COL6A6: variants seen among roughly 807,000 people sequenced by gnomAD.
The protein encoded by COL6A6 is collagen type VI alpha 6 chain, also known as collagen alpha-6(VI) chain.
COL6A6 carries 183 observed loss-of-function variants against 208.6 expected under a neutral mutation model. The ratio of observed to expected loss-of-function variants is 0.88; its 90% CI spans 0.78 to 0.99. COL6A6 has a LOEUF of 0.99. COL6A6 is among the 50% of genes least tolerant of loss of function. The probability of loss-of-function intolerance (pLI) is 0.00; values close to 1 mark genes in which losing one functional copy is unlikely to be tolerated. For missense variants in COL6A6, 2,816 were observed against 2,815.2 expected (o/e 1.00, Z -0.01); for synonymous variants, 973 against 1,011.8 (o/e 0.96, Z 0.73).
At chr3:130,565,772 G>A (rs1343982411) in intron 4 of COL6A6, among the ~76,000 whole-genome samples, 158 bp downstream of exon 4, 1 of 152,142 alleles carries the variant, frequency 6.6e-6, no homozygotes, top group Non-Finnish European at 1.5e-5. Flanking sequence ...CTAATTTGGG[G>A]ACAATAAAAG....
At position 130,581,584 on chromosome 3, in the gene COL6A6, G is replaced by C; in HGVS notation, c.3571G>C (p.Gly1191Arg). ...ESNCFVDVVV[G>R]FDVSTQEKGQ... ...AGACTGTTTCGTGGATGTTGTGGTG[G>C]GATTTGATGTCTCAACTCAGGAGAA... The change falls in exon 9 of 37, where the codon GGA becomes CGA. Residue 1191 changes from glycine to arginine, a missense_variant. Gly to Arg is a moderately radical substitution (Grantham distance 125). Coordinates refer to ENST00000358511, the MANE Select transcript of COL6A6 (RefSeq NM_001102608.3). The C allele has an allele frequency of 1.2e-6, 2 of 1,609,372 alleles. No homozygotes were observed.
intron 18 of COL6A6, among the ~76,000 whole-genome samples, chr3:130,596,825 A>T (rs1008411200): frequency 9.2e-5 from 14 of 152,212 alleles, no homozygotes; most frequent in East Asian, 3.8e-4. Flanking sequence ...TAAAATTTTT[A>T]AAAAAAGAAA....
At position 130,585,533 on chromosome 3, in the gene COL6A6, T is replaced by G. The variant is rs558201780; in HGVS notation, c.3971-973T>G. Among the ~76,000 whole-genome samples, 3 of 152,336 alleles carry G rather than the reference T, an allele frequency of 2.0e-5. 1 individual carries two copies. In the South Asian group the frequency reaches 6.2e-4, roughly 32 times the overall value. On this transcript the variant is annotated intron_variant, in intron 10 of 36. Coordinates refer to ENST00000358511, the MANE Select transcript of COL6A6 (RefSeq NM_001102608.3). ...GAATTACTTCCTCCACCATAATGAC[T>G]GTCAGATTTATTACCATCATTATTT...
At chr3:130,571,926 G>GC (rs1428795881) in intron 7 of COL6A6, among the ~76,000 whole-genome samples, 16 of 138,378 alleles carry the variant, frequency 1.2e-4, no homozygotes, top group Non-Finnish European at 1.5e-4. Flanking sequence ...CAAGCCATCT[G>GC]CCCCCCTTGG....
chr3:130,641,283 A>G (rs1576380170), intron 28 of COL6A6, among the ~76,000 whole-genome samples: 1 of 152,202 alleles, frequency 6.6e-6, no homozygotes. Context: ...ATGGGATACT[A>G]TGCAGCTGTG....
Position 130,661,940 on chromosome 3 carries a change from A to G in COL6A6, c.6134A>G (p.Lys2045Arg). The G allele has an allele frequency of 1.2e-6, 2 of 1,614,000 alleles. No homozygotes were observed. Among genetic ancestry groups the G allele is most frequent in the Non-Finnish European group, 1.7e-6 (2 of 1,179,866 alleles). Residue 2045 changes from lysine (K) to arginine (R), a missense_variant, in exon 35 of 37, where the codon AAG becomes AGG. Physicochemically the swap from Lys to Arg is conservative, Grantham distance 26 (BLOSUM62 2). Coordinates refer to ENST00000358511, the MANE Select transcript of COL6A6 (RefSeq NM_001102608.3). ...ACCTACAGAAGTAAGCGCCTCATGA[A>G]GAGGCATGTGCACGAGTCAGTTAAA... ...LTTYRSKRLM[K>R]RHVHESVKQL...
chr3:130,616,255 G>C (rs977832780), intron 23 of COL6A6, among the ~76,000 whole-genome samples: 1 of 152,080 alleles, frequency 6.6e-6, no homozygotes, highest in African/African-American at 2.4e-5. Flanking sequence ...CCAGCCACTG[G>C]AATAGAATAA....
At chr3:130,644,627 G>A (rs1379710493) in intron 31 of COL6A6, among the ~76,000 whole-genome samples, 1 of 152,164 alleles carries the variant, frequency 6.6e-6, no homozygotes, top group Non-Finnish European at 1.5e-5. Flanking sequence ...GATAGTTATA[G>A]ATATCTACAT....
chr3:130,544,615 T>C (rs766471743), intron 1 of COL6A6, among the ~76,000 whole-genome samples: 3 of 151,968 alleles, frequency 2.0e-5, no homozygotes, highest in Non-Finnish European at 4.4e-5. Context: ...AACTCCATAC[T>C]GTTTTCCACA....
At position 130,617,346 on chromosome 3, in the gene COL6A6, T is replaced by C. The variant is rs191440849; in HGVS notation, c.4816-4475T>C. 1.4e-3 allele frequency among the ~76,000 whole-genome samples: 211 copies of C among 152,278 alleles called. 5 individuals are homozygous for C. The highest frequency in any genetic ancestry group is 4.1e-4 in the South Asian group (2 of 4,832). On this transcript the variant is annotated intron_variant, in intron 23 of 36. Transcript: ENST00000358511. The stretch of plus-strand genomic sequence containing the variant: ...AATGTTAAAAGAGAATTATACTCAA[T>C]GTAGAGTGATGTGGTAAAGAATGGA...
intron 20 of COL6A6, among the ~76,000 whole-genome samples, chr3:130,605,942 A>T (rs2064170743): frequency 6.6e-6 from 1 of 152,216 alleles, no homozygotes; most frequent in Admixed American, 6.5e-5. Context: ...AGTATGAGGG[A>T]AACCACCCCC....
intron 20 of COL6A6, among the ~76,000 whole-genome samples, 193 bp from the exon 21 acceptor site, chr3:130,606,738 T>C (rs568333906): frequency 3.3e-5 from 5 of 152,338 alleles, no homozygotes; most frequent in African/African-American, 1.2e-4. Context: ...AGACAAATAT[T>C]CAATTGCCCT....
At chr3:130,604,424 A>G (rs959839865) in intron 20 of COL6A6, among the ~76,000 whole-genome samples, 1 of 151,416 alleles carries the variant, frequency 6.6e-6, no homozygotes, top group Admixed American at 6.6e-5. Context: ...GAACCCGGGA[A>G]GCGGAGCTTG....
chr3:130,657,032 A>C (rs1316625363), intron 33 of COL6A6, among the ~76,000 whole-genome samples: 3 of 152,220 alleles, frequency 2.0e-5, no homozygotes, highest in Non-Finnish European at 2.9e-5. Context: ...CCGCAGCCAG[A>C]CGGCTGCAAC....
intron 1 of COL6A6, among the ~76,000 whole-genome samples, chr3:130,535,273 G>A (rs945520916): frequency 9.2e-5 from 14 of 152,062 alleles, no homozygotes; most frequent in Admixed American, 3.3e-4. Context: ...AAAACACAAC[G>A]TTTAATGAAT....
chr3:130,646,202 T>C (rs754739231), intron 32 of COL6A6, among the ~76,000 whole-genome samples: 47 of 151,774 alleles, frequency 3.1e-4, no homozygotes, highest in Admixed American at 1.3e-4. Context: ...CCTGGGATAA[T>C]GTAAGGGGGG....
chr3:130,570,043 A>G (rs1314797725), intron 6 of COL6A6, among the ~76,000 whole-genome samples: 1 of 152,156 alleles, frequency 6.6e-6, no homozygotes, highest in Non-Finnish European at 1.5e-5. Flanking sequence ...CTAAATAACA[A>G]ACCATCTTAC....
intron 33 of COL6A6, among the ~76,000 whole-genome samples, chr3:130,654,894 A>T (rs2065746671): frequency 6.6e-6 from 1 of 152,130 alleles, no homozygotes; most frequent in Non-Finnish European, 1.5e-5. Context: ...CTTGCTGCAG[A>T]TTGGTTGGAA....
chr3:130,586,699 A>C (rs1417737847), intron 11 of COL6A6, 39 bp downstream of exon 11: 7 of 1,581,832 alleles, frequency 4.4e-6, no homozygotes, highest in East Asian at 2.2e-5. Context: ...TTAAATTTTC[A>C]ATTATTTTGT....
Sources: gnomAD v4.1 joint callset for allele counts (sites outside exome capture counted in the v4.1 genomes callset) on GRCh38, gnomAD v4.1.1 for gene constraint, MANE v1.5 for transcripts, NCBI Gene and HGNC (gene_info 2026-07-23, HGNC 2026-07-21) for gene names.